INPP5A: variants seen among roughly 807,000 people sequenced by gnomAD.
The protein encoded by INPP5A is 43 kDa inositol polyphosphate 5-phophatase.
Under a neutral mutation model 65.2 loss-of-function variants are expected in INPP5A, and 14 were observed. The ratio of observed to expected loss-of-function variants is 0.21; its 90% CI spans 0.14 to 0.34. INPP5A has a LOEUF of 0.34. Ranked by LOEUF, INPP5A falls within the 10% of genes least tolerant of loss-of-function variation. The pLI is 1.00. For synonymous variants in INPP5A, 207 were observed against 208.3 expected, an observed-to-expected ratio of 0.99 and a Z score of 0.05; for missense variants, 431 against 545.6, an observed-to-expected ratio of 0.79 and a Z score of 2.09.
At position 132,568,706 on chromosome 10, in the gene INPP5A, G is replaced by A. The variant is rs182955954; in HGVS notation, c.75+30535G>A. ...CAGGAGGTGGAGGTTCCAGTGAGCCGAGATTGCACTATTGCATTCCAGCCT... is the reference window on the plus strand; with the variant it reads ...CAGGAGGTGGAGGTTCCAGTGAGCCAAGATTGCACTATTGCATTCCAGCCT... On this transcript the variant is annotated intron_variant, in intron 1 of 15. Transcript: ENST00000368594. Among the ~76,000 whole-genome samples, 123 of 152,220 alleles carry A rather than the reference G, an allele frequency of 8.1e-4. 1 individual carries two copies. In the Middle Eastern group the frequency reaches 0.014, roughly 17 times the overall value.
chr10:132,633,721 T>C (rs1295640941), intron 2 of INPP5A, among the ~76,000 whole-genome samples: 1 of 152,104 alleles, frequency 6.6e-6, no homozygotes, highest in Admixed American at 6.5e-5. Flanking sequence ...GCCCTGGGGG[T>C]GGCTTTGCGC....
At chr10:132,776,585 G>A (rs919894590) in intron 12 of INPP5A, among the ~76,000 whole-genome samples, 4 of 152,210 alleles carry the variant, frequency 2.6e-5, no homozygotes, top group Admixed American at 6.5e-5. Flanking sequence ...CTCTGGTGAA[G>A]GCCCCAGAGA....
At position 132,700,250 on chromosome 10, in the gene INPP5A, C is replaced by T. The variant is rs576291632; in HGVS notation, c.474+2331C>T. On this transcript the variant is annotated intron_variant, in intron 6 of 15. Transcript: ENST00000368594. ...GCCTCTTTGTGTGGACCCGTCTCTC[C>T]CCTGGGAAAGCAGCGTGTCGCTGTC... Among the ~76,000 whole-genome samples the T allele has an allele frequency of 2.6e-5, 4 of 152,356 alleles. No individual in the cohort carries two copies. The East Asian group carries it at 7.7e-4, about 29-fold the overall frequency.
chr10:132,544,268 G>A (rs1347086394), intron 1 of INPP5A, among the ~76,000 whole-genome samples: 2 of 152,210 alleles, frequency 1.3e-5, no homozygotes, highest in South Asian at 2.1e-4. Flanking sequence ...CTGCTCTGCC[G>A]CTCCGGCCAG....
At chr10:132,778,021 C>A in intron 13 of INPP5A, 1 of 1,136,786 alleles carries the variant, frequency 8.8e-7, no homozygotes, top group Non-Finnish European at 1.2e-6. Context: ...GGGCAGCCAG[C>A]GTCATCCTGA....
rs902395203 is a variant in INPP5A, at chr10:132,538,617, G to C, written c.75+446G>C. Among the ~76,000 whole-genome samples the C allele has an allele frequency of 6.6e-6, 1 of 152,016 alleles. No individual in the cohort carries two copies. Among genetic ancestry groups the C allele is most frequent in the Admixed American group, 6.6e-5 (1 of 15,258 alleles). On this transcript the variant is annotated intron_variant, in intron 1 of 15. Transcript: ENST00000368594. The surrounding 1 kb of genome is among the most constrained non-coding windows in gnomAD (Gnocchi z 4.1). ...TCCGAATCCTCAGAACCCTGGCCCT[G>C]GAATGCCCATCCCCAACCCTGGCCC... is the stretch of plus-strand genomic sequence containing the variant.
chr10:132,774,845 A>AC (rs1396921976), intron 12 of INPP5A, among the ~76,000 whole-genome samples: 3 of 71,450 alleles, frequency 4.2e-5, no homozygotes, highest in Admixed American at 1.7e-4. Flanking sequence ...AGAGAGGGGT[A>AC]GGGAGAGACG....
chr10:132,712,486 GTC>G (rs1003784140), intron 8 of INPP5A, among the ~76,000 whole-genome samples: 1 of 149,250 alleles, frequency 6.7e-6, no homozygotes, highest in African/African-American at 2.5e-5. Flanking sequence ...GTGGGTACAT[GTC>G]TATTTGGGTG....
At chr10:132,777,021 C>T (rs59798450) in intron 12 of INPP5A, among the ~76,000 whole-genome samples, 78 of 152,278 alleles carry the variant, frequency 5.1e-4, no homozygotes, top group African/African-American at 1.8e-3. Context: ...GTGTGGGATG[C>T]GCTCACTGTG....
chr10:132,655,448 A>G, intron 4 of INPP5A, among the ~76,000 whole-genome samples: 1 of 152,196 alleles, frequency 6.6e-6, no homozygotes. Flanking sequence ...CTATTGATCC[A>G]CAGCTCCAAC....
intron 8 of INPP5A, among the ~76,000 whole-genome samples, chr10:132,715,942 TCTGCCGTTCCG>T (rs1313235420): frequency 1.3e-5 from 2 of 152,208 alleles, no homozygotes; most frequent in Admixed American, 1.3e-4. Flanking sequence ...GCCCGTGCCC[TCTGCCGTTCCG>T]CTGCCGTGAA....
At position 132,697,452 on chromosome 10, in the gene INPP5A, G is replaced by A. The variant is rs2134499286; in HGVS notation, c.371-364G>A. On this transcript the variant is annotated intron_variant, in intron 5 of 15. Coordinates refer to ENST00000368594, the MANE Select transcript of INPP5A (RefSeq NM_005539.5). This position sits in a 1 kb window ranked among gnomAD's most constrained non-coding sequence, Gnocchi z 5.6. ...GGCTGGATACGGGGAGGAAATCGAT[G>A]TTATTAAATAAATTCATGTGAAGGT... 6.6e-6 allele frequency among the ~76,000 whole-genome samples: 1 copy of A among 152,364 alleles called. No homozygotes were observed. Among genetic ancestry groups the A allele is most frequent in the Non-Finnish European group, 1.5e-5 (1 of 68,032 alleles).
chr10:132,599,448 G>C (rs1007508642), intron 1 of INPP5A, among the ~76,000 whole-genome samples: 15 of 152,358 alleles, frequency 9.8e-5, no homozygotes, highest in African/African-American at 3.6e-4. Flanking sequence ...GTGCTCCCAC[G>C]ATCTTGGGCA....
chr10:132,715,975 C>G (rs936725764), intron 8 of INPP5A, among the ~76,000 whole-genome samples: 2 of 152,264 alleles, frequency 1.3e-5, no homozygotes, highest in Non-Finnish European at 2.9e-5. Flanking sequence ...CCCGCTGCCT[C>G]TGTGTCGCCT....
intron 3 of INPP5A, among the ~76,000 whole-genome samples, chr10:132,649,327 C>T (rs1326166531): frequency 1.3e-5 from 2 of 152,188 alleles, no homozygotes; most frequent in African/African-American, 2.4e-5. Context: ...CAGCTCACTC[C>T]GTCATTTTTG....
chr10:132,594,816 C>G (rs910297661), intron 1 of INPP5A, among the ~76,000 whole-genome samples: 1 of 152,122 alleles, frequency 6.6e-6, no homozygotes, highest in Non-Finnish European at 1.5e-5. Flanking sequence ...TAGGCGGTCC[C>G]CCTGCCAGCC....
intron 1 of INPP5A, among the ~76,000 whole-genome samples, chr10:132,563,673 AGAGAGAAAGGAAAGGAAAG>A (rs1004671548): frequency 1.1e-4 from 17 of 152,282 alleles, no homozygotes; most frequent in East Asian, 3.9e-4. Flanking sequence ...ATTAAAGGAA[AGAGAGAAAGGAAAGGAAAG>A]GAGAGAAAGG....
Position 132,573,563 on chromosome 10 carries a change from G to T in INPP5A, c.76-34352G>T, listed in dbSNP as rs13377159. On this transcript the variant is annotated intron_variant, in intron 1 of 15. Coordinates refer to ENST00000368594, the MANE Select transcript of INPP5A (RefSeq NM_005539.5). ...TGTTGGGTTGTGTGTGCTGTGGGAG[G>T]TTTTGTTGAGATGTTGGGGTGTGTG... Among the ~76,000 whole-genome samples, 590 of 128,902 alleles carry T rather than the reference G, an allele frequency of 4.6e-3. 35 individuals carry two copies. The highest frequency in any genetic ancestry group is 0.018 in the African/African-American group (548 of 29,776). The allele number at this position is 128,902 out of a possible 152,430, so 84.6% of individuals were successfully genotyped here.
At position 132,545,404 on chromosome 10, in the gene INPP5A, G is replaced by A. The variant is rs2070957519; in HGVS notation, c.75+7233G>A. Among the ~76,000 whole-genome samples, 1 of 152,184 alleles carries A rather than the reference G, an allele frequency of 6.6e-6. No homozygotes were observed. Among genetic ancestry groups the A allele is most frequent in the Admixed American group, 6.5e-5 (1 of 15,284 alleles). The stretch of plus-strand genomic sequence containing the variant: ...ACGGCAGGAGACGGCAGGTCTCTCT[G>A]AGCTGTGGGGCTCACGGAGGGACAG... On this transcript the variant is annotated intron_variant, in intron 1 of 15. Coordinates refer to ENST00000368594, the MANE Select transcript of INPP5A (RefSeq NM_005539.5). This position sits in a 1 kb window ranked among gnomAD's most constrained non-coding sequence, Gnocchi z 4.6.
Sources: allele counts gnomAD v4.1 joint callset (sites outside exome capture counted in the v4.1 genomes callset), GRCh38; gene constraint gnomAD v4.1.1; non-coding constraint Gnocchi (gnomAD v3.1); transcripts MANE v1.5; gene names NCBI Gene and HGNC (gene_info 2026-07-23, HGNC 2026-07-21).